Variants in TTN observed in about 807,000 individuals in gnomAD.
TTN encodes the protein connectin.
A neutral mutation model predicts 3,223.0 loss-of-function variants in TTN; 1,525 were observed. That is an observed-to-expected ratio of 0.47 (90% CI 0.45 to 0.49). The LOEUF (loss-of-function observed/expected upper bound fraction) is 0.49. Among genes scored for constraint, TTN ranks in the 20% least tolerant of loss-of-function variants. TTN has a pLI of 0.00. For missense variants in TTN, 40,786 were observed against 43,424.0 expected, an observed-to-expected ratio of 0.94 and a Z score of 5.40; for synonymous variants, 14,094 against 15,161.0, an observed-to-expected ratio of 0.93 and a Z score of 5.17.
rs752412425 is a variant in TTN, at chr2:178,573,677, C to A, written c.72455G>T (p.Gly24152Val). The A allele has an allele frequency of 6.6e-7, 1 of 1,516,620 alleles. No homozygotes were observed. Among genetic ancestry groups the A allele is most frequent in the Non-Finnish European group, 8.8e-7 (1 of 1,134,266 alleles). The allele number at this position is 1,516,620 out of a possible 1,614,324, so 93.9% of individuals were successfully genotyped here. A position where few individuals can be genotyped will look rare whatever the true frequency, so the allele number is the denominator to read the frequency against. ...LSWFPPLDDGGAKIDHYIVQK... is the reference protein window; with the variant it reads ...LSWFPPLDDGVAKIDHYIVQK... ...TACTATGTAATGATCAATTTTGGCACCTCCATCATCCAGTGGAGGGAACCA... is the reference window on the plus strand; with the variant it reads ...TACTATGTAATGATCAATTTTGGCAACTCCATCATCCAGTGGAGGGAACCA... The change falls in exon 326 of 363, where the codon GGT (glycine) becomes GTT (valine). Residue 24152 changes from glycine to valine, a missense_variant. Coordinates refer to ENST00000589042, the MANE Select transcript of TTN (RefSeq NM_001267550.2).
At chr2:178,758,626 TA>T in intron 44 of TTN, 1 of 312,566 alleles carries the variant, frequency 3.2e-6, no homozygotes, top group Non-Finnish European at 6.1e-6. Context: ...TAGATGTTTT[TA>T]AAATTTAATT....
At position 178,590,298 on chromosome 2, in the gene TTN, A is replaced by G. The variant is rs1336054298; in HGVS notation, c.61427T>C (p.Val20476Ala). 4 of 1,569,852 alleles carry G rather than the reference A, an allele frequency of 2.5e-6. No homozygotes were observed. The highest frequency in any genetic ancestry group is 3.5e-6 in the Non-Finnish European group (4 of 1,158,686). ...IAKDILHPPEVELDVTCRDVI... is the reference protein window; with the variant it reads ...IAKDILHPPEAELDVTCRDVI... ...ATCACGACAAGTAACATCAAGTTCTACTTCTGGAGGATGAAGGATATCTTT... is the reference window on the plus strand; with the variant it reads ...ATCACGACAAGTAACATCAAGTTCTGCTTCTGGAGGATGAAGGATATCTTT... Residue 20476 changes from valine (V) to alanine (A), a missense_variant, in exon 304 of 363, where the codon GTA (valine) becomes GCA (alanine). Val to Ala is a moderately conservative substitution (Grantham distance 64, BLOSUM62 0). Coordinates refer to ENST00000589042, the MANE Select transcript of TTN (RefSeq NM_001267550.2).
At chr2:178,703,195 G>GCA (rs2154290379) in intron 106 of TTN, among the ~76,000 whole-genome samples, 1 of 152,220 alleles carries the variant, frequency 6.6e-6, no homozygotes, top group South Asian at 2.1e-4. Context: ...GTACATATGG[G>GCA]CACAAACAAA....
At chr2:178,709,042 C>G (rs983579285) in intron 99 of TTN, among the ~76,000 whole-genome samples, 1 of 152,040 alleles carries the variant, frequency 6.6e-6, no homozygotes, top group African/African-American at 2.4e-5. Context: ...CATTATTTTT[C>G]TTTTTGGGCA....
At chr2:178,650,608 C>A in intron 209 of TTN, 143 bp downstream of exon 209, 1 of 860,782 alleles carries the variant, frequency 1.2e-6, no homozygotes, top group Non-Finnish European at 1.7e-6. Context: ...GAGATTGGAG[C>A]TAATTTAGAA....
chr2:178,692,461 T>A lies in TTN; in HGVS notation c.31678+36A>T, dbSNP rs1043270441. The A allele has an allele frequency of 4.0e-6, 6 of 1,517,508 alleles. No individual in the cohort carries two copies. In the Admixed American group the frequency reaches 5.9e-5, roughly 15 times the overall value. 94.0% of individuals were successfully genotyped at this position (1,517,508 alleles called of 1,614,324 possible). A position where few individuals can be genotyped will look rare whatever the true frequency, so the allele number is the denominator to read the frequency against. On this transcript the variant is annotated intron_variant, in intron 120 of 362. Coordinates refer to ENST00000589042, the MANE Select transcript of TTN (RefSeq NM_001267550.2). ...CTTATAGAAAAAGATACAAGATGGATGCTAAGAATTATTTTTTTCACAAAT... is the reference window on the plus strand; with the variant it reads ...CTTATAGAAAAAGATACAAGATGGAAGCTAAGAATTATTTTTTTCACAAAT...
In TTN at chr2:178,575,399, T is replaced by C. The variant is rs1332842062; in HGVS notation, c.70733A>G (p.Gln23578Arg). ...VIEAQRKGSD[Q>R]WTHITTVKGL... ...TTTCACGGTTGTGATGTGGGTCCAC[T>C]GGTCAGAGCCTTTTCTTTGGGCTTC... is the stretch of plus-strand genomic sequence containing the variant. Residue 23578 changes from glutamine to arginine, a missense_variant, in exon 326 of 363, where the codon CAG becomes CGG. Physicochemically the swap from Gln to Arg is conservative, Grantham distance 43. Coordinates refer to ENST00000589042, the MANE Select transcript of TTN (RefSeq NM_001267550.2). This position sits in a 1 kb window ranked among gnomAD's most constrained non-coding sequence, Gnocchi z 4.0. 1 of 1,613,646 alleles carries C rather than the reference T, an allele frequency of 6.2e-7. No homozygotes were observed. Among genetic ancestry groups the C allele is most frequent in the South Asian group, 1.1e-5 (1 of 91,072 alleles).
chr2:178,735,501 C>T lies in TTN; in HGVS notation c.14935+10G>A, dbSNP rs148215787. ...GAAGGGACTAGAAAATACATTCACACGTTTCTTACCTCTGACAGTGACTGT... is the reference window on the plus strand; with the variant it reads ...GAAGGGACTAGAAAATACATTCACATGTTTCTTACCTCTGACAGTGACTGT... On this transcript the variant is annotated intron_variant, in intron 50 of 362. Transcript: ENST00000589042. 21 of 1,545,032 alleles carry T rather than the reference C, an allele frequency of 1.4e-5. No individual in the cohort carries two copies. The highest frequency in any genetic ancestry group is 1.8e-4 in the Middle Eastern group (1 of 5,584).
intron 305 of TTN, 21 bp downstream of exon 305, chr2:178,587,878 C>T (rs188243503): frequency 2.0e-5 from 32 of 1,572,094 alleles, no homozygotes; most frequent in Non-Finnish European, 2.7e-5. Context: ...GAATGAATCA[C>T]ATGCTAAGGG....
chr2:178,777,073 T>C (rs1428924703), intron 27 of TTN, 24 bp from the exon 28 acceptor site: 1 of 1,613,944 alleles, frequency 6.2e-7, no homozygotes, highest in South Asian at 1.1e-5. Flanking sequence ...GGGGAGGGAA[T>C]AATCAATATA....
In TTN at chr2:178,727,773, G is replaced by C. The variant is rs749229040; in HGVS notation, c.19805C>G (p.Pro6602Arg). Residue 6602 changes from proline (P) to arginine (R), a missense_variant, in exon 68 of 363, where the codon CCA (proline) becomes CGA (arginine). Transcript: ENST00000589042. ...ATCCTTAAACCATTTTATTTTAAAT[G>C]GTGGTGTTCCTTTTAGTATTGCCTT... ...EFKAILKGTP[P>R]FKIKWFKDDV... 2 of 1,613,086 alleles carry C rather than the reference G, an allele frequency of 1.2e-6. No homozygotes were observed. The highest frequency in any genetic ancestry group is 2.7e-5 in the African/African-American group (2 of 74,858).
Position 178,717,680 on chromosome 2 carries a change from A to G in TTN, c.25194T>C (p.Val8398=), listed in dbSNP as rs2077699413. 1 of 1,613,470 alleles carries G rather than the reference A, an allele frequency of 6.2e-7. No homozygotes were observed. Among genetic ancestry groups the G allele is most frequent in the East Asian group, 2.2e-5 (1 of 44,840 alleles). Residue 8398 remains valine (V), a synonymous_variant, in exon 87 of 363, where the codon GTT becomes GTC. Coordinates refer to ENST00000589042, the MANE Select transcript of TTN (RefSeq NM_001267550.2). Reference sequence around the variant, plus strand: ...GCAAATTAGCATCATCTTTCAAAAGAACCCCATCCTTGTACCAAGACACTT... The same window carrying G: ...GCAAATTAGCATCATCTTTCAAAAGGACCCCATCCTTGTACCAAGACACTT... The part of the protein sequence containing the change: ...PLQVSWYKDG[V]LLKDDANLQT...
chr2:178,546,231 A>G lies in TTN; in HGVS notation c.95100T>C (p.Ser31700=), dbSNP rs1223272611. The G allele has an allele frequency of 6.2e-7, 1 of 1,611,166 alleles. No homozygotes were observed. Reference sequence around the variant, plus strand: ...GCTTACCAAGCACTTTGACCATGACAGACACGGCCTTGGTCCCGCTGGCAT... The same window carrying G: ...GCTTACCAAGCACTTTGACCATGACGGACACGGCCTTGGTCCCGCTGGCAT... The part of the protein sequence containing the change: ...VKNASGTKAV[S]VMVKVLDSPG... The change falls in exon 342 of 363, where the codon TCT becomes TCC. Residue 31700 remains serine (S), a synonymous_variant. Coordinates refer to ENST00000589042, the MANE Select transcript of TTN (RefSeq NM_001267550.2).
rs752922922 is a variant in TTN, at chr2:178,581,502, A to G, written c.66766T>C (p.Leu22256=). The G allele has an allele frequency of 5.3e-5, 84 of 1,587,166 alleles. No individual in the cohort carries two copies. The South Asian group carries it at 9.0e-4, about 17-fold the overall frequency. The change falls in exon 316 of 363, where the codon TTA becomes CTA. Residue 22256 remains leucine (L), a synonymous_variant. Transcript: ENST00000589042. ...VPDKHYPKDI[L]IPPEGELDAD... ...TACTCCCCCTGGTAATACTTACTTA[A>G]GATGTCCTTGGGATAGTGTTTATCT...
chr2:178,746,378 T>C (rs748752919), intron 47 of TTN: 1 of 1,611,068 alleles, frequency 6.2e-7, no homozygotes, highest in Admixed American at 1.7e-5. Flanking sequence ...AATCATACTT[T>C]TATGGTCAGG....
rs746356386 is a variant in TTN, at chr2:178,666,856, A to G, written c.35843T>C (p.Ile11948Thr). The G allele has an allele frequency of 5.1e-6, 8 of 1,573,306 alleles. No homozygotes were observed. Among genetic ancestry groups the G allele is most frequent in the South Asian group, 4.7e-5 (4 of 85,328 alleles). ...TGATGGTGTTTTTCTTCTTTTAACA[A>G]TAGGAGTTTCTCCCTCTGGAATGAC... is the stretch of plus-strand genomic sequence containing the variant. ...KEVIPEGETP[I>T]VKRRKTPSPT... The change falls in exon 163 of 363, where the codon ATT becomes ACT. Residue 11948 changes from isoleucine to threonine, a missense_variant. Coordinates refer to ENST00000589042, the MANE Select transcript of TTN (RefSeq NM_001267550.2).
At chr2:178,663,582 G>C (rs1462346052) in intron 171 of TTN, 45 bp downstream of exon 171, 2 of 1,613,496 alleles carry the variant, frequency 1.2e-6, no homozygotes, top group Admixed American at 3.3e-5. Context: ...ATTTTCCAGA[G>C]CAGAAGAGAT....
Position 178,567,470 on chromosome 2 carries a change from G to C in TTN, c.78662C>G (p.Pro26221Arg). 1.9e-6 allele frequency: 3 copies of C among 1,613,062 alleles called. No individual in the cohort carries two copies. Among genetic ancestry groups the C allele is most frequent in the Non-Finnish European group, 2.5e-6 (3 of 1,179,486 alleles). ...TCTTAACCACTCAATGGTAGGTAGG[G>C]GCTTTCCATGGACATCAGCCTCAAG... ...FRLEADVHGK[P>R]LPTIEWLRGD... Residue 26221 changes from proline (P) to arginine (R), a missense_variant, in exon 326 of 363, where the codon CCC becomes CGC. By Grantham distance (103) the Pro-to-Arg change is moderately radical. Transcript: ENST00000589042.
chr2:178,750,143 G>C, intron 47 of TTN: 1 of 1,613,148 alleles, frequency 6.2e-7, no homozygotes, highest in Non-Finnish European at 8.5e-7. Flanking sequence ...TGGTGGGTTA[G>C]TTTTTAACAA....
Sources: allele counts gnomAD v4.1 joint callset (sites outside exome capture counted in the v4.1 genomes callset), GRCh38; gene constraint gnomAD v4.1.1; non-coding constraint Gnocchi (gnomAD v3.1); transcripts MANE v1.5; gene names NCBI Gene and HGNC (gene_info 2026-07-23, HGNC 2026-07-21).